The following PDE10A variants were observed in gnomAD, a reference collection of about 807,000 sequenced individuals.
PDE10A encodes phosphodiesterase 10A, also known as cAMP and cAMP-inhibited cGMP 3',5'-cyclic phosphodiesterase 10A.
In PDE10A, 39 loss-of-function variants were observed where a neutral mutation model predicts 97.7. The observed-to-expected ratio is 0.40, with a 90% CI of 0.31 to 0.52. The LOEUF is 0.52. Ranked by LOEUF, PDE10A falls within the 20% of genes least tolerant of loss-of-function variation. The pLI is 0.56. For missense variants in PDE10A, 731 were observed against 1,047.8 expected (o/e 0.70, Z 4.17); for synonymous variants, 371 against 376.8 (o/e 0.98, Z 0.18).
intron 2 of PDE10A, among the ~76,000 whole-genome samples, chr6:165,511,886 T>C (rs958345466): frequency 8.5e-5 from 13 of 152,094 alleles, no homozygotes; most frequent in African/African-American, 2.9e-4. Flanking sequence ...TCCATCACTT[T>C]AGTTTCACTC....
intron 18 of PDE10A, among the ~76,000 whole-genome samples, chr6:165,356,586 A>G (rs541525386): frequency 1.6e-4 from 25 of 152,174 alleles, no homozygotes; most frequent in Middle Eastern, 3.4e-3. Context: ...AGGTTCATCC[A>G]TTTTTGTGCC....
chr6:165,441,079 C>T (rs1355941172), intron 5 of PDE10A, among the ~76,000 whole-genome samples: 1 of 152,146 alleles, frequency 6.6e-6, no homozygotes, highest in African/African-American at 2.4e-5. Flanking sequence ...CAGGATACAA[C>T]ATAAGTTGTT....
intron 1 of PDE10A, among the ~76,000 whole-genome samples, chr6:165,638,228 T>C (rs79285996): frequency 0.016 from 2,379 of 152,314 alleles, 36 homozygotes; most frequent in Non-Finnish European, 0.022. Context: ...CCTTTCTGTT[T>C]GGCGATGATT....
intron 1 of PDE10A, among the ~76,000 whole-genome samples, chr6:165,852,622 C>T (rs556070802): frequency 7.9e-5 from 12 of 152,304 alleles, no homozygotes; most frequent in African/African-American, 2.9e-4. Flanking sequence ...ACTGCCAGCC[C>T]ACCATGTGGA....
chr6:165,900,996 A>C (rs1193109249), intron 1 of PDE10A, among the ~76,000 whole-genome samples: 1 of 152,206 alleles, frequency 6.6e-6, no homozygotes, highest in East Asian at 1.9e-4. Context: ...GGTCATGTGC[A>C]CAGCCAATAA....
At chr6:165,762,412 GTCTT>G (rs1793273288) in intron 1 of PDE10A, among the ~76,000 whole-genome samples, 1 of 151,830 alleles carries the variant, frequency 6.6e-6, no homozygotes. Context: ...ACCCAGAATG[GTCTT>G]TCTAAGTAGC....
At chr6:165,449,719 T>C (rs1791146791) in intron 4 of PDE10A, among the ~76,000 whole-genome samples, 1 of 152,204 alleles carries the variant, frequency 6.6e-6, no homozygotes, top group Non-Finnish European at 1.5e-5. Context: ...ATCATTTATA[T>C]TTTTATTTTC....
At chr6:165,987,679 CA>C (rs1401949354) in exon 1 of PDE10A, 1 of 456,658 alleles carries the variant, frequency 2.2e-6, no homozygotes, top group African/African-American at 2.0e-5. Context: ...CTGCGCAAAG[CA>C]AGTTGCCAAG....
intron 1 of PDE10A, among the ~76,000 whole-genome samples, chr6:165,683,761 C>T (rs569942341): frequency 6.6e-6 from 1 of 152,262 alleles, no homozygotes; most frequent in South Asian, 2.1e-4. Flanking sequence ...GGCAGTGAAC[C>T]AAAGATGGTA....
At chr6:165,455,627 C>T (rs1476763676) in intron 3 of PDE10A, among the ~76,000 whole-genome samples, 1 of 152,206 alleles carries the variant, frequency 6.6e-6, no homozygotes, top group East Asian at 1.9e-4. Context: ...GCTCTCTTCC[C>T]AAGCACTGAG....
At chr6:165,338,962 CA>C (rs1164747490) in intron 20 of PDE10A, among the ~76,000 whole-genome samples, 1 of 152,158 alleles carries the variant, frequency 6.6e-6, no homozygotes, top group African/African-American at 2.4e-5. Context: ...GCCTTGGGAA[CA>C]AAATCAGTGG....
chr6:165,703,807 G>C (rs1369542637), intron 1 of PDE10A, among the ~76,000 whole-genome samples: 1 of 152,166 alleles, frequency 6.6e-6, no homozygotes, highest in Non-Finnish European at 1.5e-5. Flanking sequence ...CCAGTAATCA[G>C]CTATGGGACA....
rs982985374 is a variant in PDE10A, at chr6:165,372,338, C to T, written c.2783+6856G>A. On this transcript the variant is annotated intron_variant, in intron 18 of 21. Transcript: ENST00000539869. Reference sequence around the variant, plus strand: ...GTATATCTAGAAAACCCCATTGTCTCAGCCCAAAATCTCCTTAAGCTGATA... The same window carrying T: ...GTATATCTAGAAAACCCCATTGTCTTAGCCCAAAATCTCCTTAAGCTGATA... 1.8e-4 allele frequency among the ~76,000 whole-genome samples: 27 copies of T among 150,100 alleles called. 1 individual carries two copies. In the East Asian group the frequency reaches 5.3e-3, roughly 29 times the overall value.
chr6:165,854,274 C>T (rs1780651785), intron 1 of PDE10A, among the ~76,000 whole-genome samples: 3 of 152,066 alleles, frequency 2.0e-5, no homozygotes, highest in Admixed American at 2.0e-4. Flanking sequence ...GCCCCTGCGC[C>T]GGGTGACGGA....
At chr6:165,509,033 T>C (rs77016517) in intron 2 of PDE10A, among the ~76,000 whole-genome samples, 1 of 152,002 alleles carries the variant, frequency 6.6e-6, no homozygotes, top group East Asian at 1.9e-4. Context: ...ACATAATATA[T>C]AGTCAATTAC....
chr6:165,664,443 T>G (rs1790444605), upstream of PDE10A, among the ~76,000 whole-genome samples: 1 of 152,090 alleles, frequency 6.6e-6, no homozygotes, highest in Non-Finnish European at 1.5e-5. Flanking sequence ...CCTCCCCCAG[T>G]AAAGTCCACA....
At chr6:165,812,900 T>A (rs1447691057) in intron 1 of PDE10A, among the ~76,000 whole-genome samples, 1 of 152,140 alleles carries the variant, frequency 6.6e-6, no homozygotes, top group African/African-American at 2.4e-5. Flanking sequence ...GGGAATTAGA[T>A]CAGGTTTCAT....
intron 1 of PDE10A, among the ~76,000 whole-genome samples, chr6:165,837,075 G>T (rs1433807784): frequency 1.3e-5 from 2 of 149,196 alleles, no homozygotes; most frequent in Non-Finnish European, 3.0e-5. Flanking sequence ...GGGAGGGATA[G>T]CACTGGGAGA....
chr6:165,405,089 A>G (rs1299232130), intron 13 of PDE10A, among the ~76,000 whole-genome samples: 3 of 152,160 alleles, frequency 2.0e-5, no homozygotes, highest in African/African-American at 7.2e-5. Context: ...ACAAATTAAA[A>G]AAAAAATGTG....
Sources: gnomAD v4.1 joint callset for allele counts (sites outside exome capture counted in the v4.1 genomes callset) on GRCh38, gnomAD v4.1.1 for gene constraint, MANE v1.5 for transcripts, NCBI Gene and HGNC (gene_info 2026-07-23, HGNC 2026-07-21) for gene names.